ZC3H12B: variants seen among roughly 807,000 people sequenced by gnomAD.
ZC3H12B encodes the protein probable ribonuclease ZC3H12B.
Under a neutral mutation model 43.9 loss-of-function variants are expected in ZC3H12B, and 7 were observed. The ratio of observed to expected loss-of-function variants is 0.16; its 90% CI spans 0.09 to 0.30. The LOEUF is 0.30. Ranked by LOEUF, ZC3H12B falls within the 10% of genes least tolerant of loss-of-function variation. The pLI, the probability that ZC3H12B is intolerant of heterozygous loss-of-function variation, is 1.00. For missense variants in ZC3H12B, 475 were observed against 670.2 expected, an observed-to-expected ratio of 0.71 and a Z score of 3.22; for synonymous variants, 222 against 241.7, an observed-to-expected ratio of 0.92 and a Z score of 0.76.
At chrX:65,256,587 G>C in the ZC3H12B span, among the ~76,000 whole-genome samples, 1 of 111,466 alleles carries the variant, frequency 9.0e-6, no homozygotes, top group Non-Finnish European at 1.9e-5. Context: ...TTAAAATTTA[G>C]AAACATCTTG....
At chrX:65,337,087 G>T in the ZC3H12B span, among the ~76,000 whole-genome samples, 1 of 111,500 alleles carries the variant, frequency 9.0e-6, no homozygotes, top group South Asian at 3.8e-4. Flanking sequence ...ATTAAGAGGG[G>T]TCTTTAACTC....
At chrX:65,435,644 G>GGATAGATAGATAGATAGATA (rs34975614) in intron 3 of ZC3H12B, among the ~76,000 whole-genome samples, 4 of 94,398 alleles carry the variant, frequency 4.2e-5, no homozygotes, top group African/African-American at 7.8e-5. Flanking sequence ...AGAACCAATA[G>GGATAGATAGATAGATAGATA]GATAGATAGA....
At chrX:65,083,136 C>G in the ZC3H12B span, among the ~76,000 whole-genome samples, 1 of 111,214 alleles carries the variant, frequency 9.0e-6, no homozygotes, top group Non-Finnish European at 1.9e-5. Context: ...CCATATATGA[C>G]AGACCCACAG....
At chrX:65,159,267 G>C in the ZC3H12B span, among the ~76,000 whole-genome samples, 2 of 111,624 alleles carry the variant, frequency 1.8e-5, no homozygotes, top group Middle Eastern at 4.6e-3. Context: ...CTCTTCTTTG[G>C]TTCCATATGA....
In ZC3H12B at chrX:65,493,725, CA is replaced by C. The variant is rs775984592; in HGVS notation, c.609-3405del. Among the ~76,000 whole-genome samples, 131 of 111,725 alleles carry C rather than the reference CA, an allele frequency of 1.2e-3. 1 individual carries two copies. The highest frequency in any genetic ancestry group is 9.8e-3 in the South Asian group (26 of 2,640). ...CATGAGAGGTTCCTAAGCAAGTTTA[CA>C]AGACAAAGTGAACTGTAGTGTCACC... On this transcript the variant is annotated intron_variant, in intron 1 of 4. Coordinates refer to ENST00000338957, the Ensembl canonical transcript of ZC3H12B.
chrX:65,174,927 AC>A, the ZC3H12B span, among the ~76,000 whole-genome samples: 1 of 109,018 alleles, frequency 9.2e-6, no homozygotes, highest in Non-Finnish European at 1.9e-5. Context: ...GGAAAAAAAA[AC>A]AAAAAACAAA....
At chrX:65,259,896 A>G in the ZC3H12B span, among the ~76,000 whole-genome samples, 1 of 112,290 alleles carries the variant, frequency 8.9e-6, no homozygotes, top group African/African-American at 3.2e-5. Flanking sequence ...CAGCCATAAA[A>G]GGAAATGAAA....
the ZC3H12B span, among the ~76,000 whole-genome samples, chrX:65,181,965 C>T: frequency 3.6e-5 from 4 of 111,581 alleles, no homozygotes; most frequent in Non-Finnish European, 3.8e-5. Flanking sequence ...ATGTCTATTG[C>T]AGCACTGTGT....
chrX:65,138,677 A>G, the ZC3H12B span, among the ~76,000 whole-genome samples: 1 of 111,848 alleles, frequency 8.9e-6, no homozygotes, highest in African/African-American at 3.3e-5. Flanking sequence ...GTTTTTCATG[A>G]TGGCTGCATT....
chrX:65,157,974 C>A, the ZC3H12B span, among the ~76,000 whole-genome samples: 3 of 93,056 alleles, frequency 3.2e-5, no homozygotes, highest in Non-Finnish European at 6.4e-5. Flanking sequence ...TTCCTGTGGC[C>A]ATGTGTTCTC....
the ZC3H12B span, among the ~76,000 whole-genome samples, chrX:65,119,610 G>A: frequency 9.0e-6 from 1 of 111,690 alleles, no homozygotes; most frequent in Non-Finnish European, 1.9e-5. Context: ...TGCTCACCCT[G>A]ATGATAGTTT....
At chrX:65,108,533 A>C in the ZC3H12B span, among the ~76,000 whole-genome samples, 14 of 110,075 alleles carry the variant, frequency 1.3e-4, no homozygotes, top group African/African-American at 4.6e-4. Flanking sequence ...TGCCACTAGA[A>C]GATCTTCAGG....
intron 3 of ZC3H12B, among the ~76,000 whole-genome samples, chrX:65,431,585 C>T (rs1396315315): frequency 8.9e-6 from 1 of 112,355 alleles, no homozygotes; most frequent in Non-Finnish European, 1.9e-5. Context: ...CAAAATGAGT[C>T]ATTCTATCTA....
At chrX:65,230,211 AATG>A in the ZC3H12B span, among the ~76,000 whole-genome samples, 1 of 111,735 alleles carries the variant, frequency 8.9e-6, no homozygotes. Context: ...AGCCATAAAA[AATG>A]ATGAGTTCAT....
chrX:65,421,999 C>A (rs1276591681), intron 3 of ZC3H12B, among the ~76,000 whole-genome samples: 1 of 110,463 alleles, frequency 9.1e-6, no homozygotes, highest in Non-Finnish European at 1.9e-5. Context: ...ATAAAACTCA[C>A]AGGTTTTACC....
chrX:65,337,805 C>G, the ZC3H12B span, among the ~76,000 whole-genome samples: 1 of 112,365 alleles, frequency 8.9e-6, no homozygotes, highest in Non-Finnish European at 1.9e-5. Flanking sequence ...TAAGTTCCTT[C>G]TGGATACATA....
chrX:65,064,637 G>T, the ZC3H12B span, among the ~76,000 whole-genome samples: 2 of 111,693 alleles, frequency 1.8e-5, no homozygotes, highest in Non-Finnish European at 3.8e-5. Flanking sequence ...GGGGTGGAGA[G>T]TCTGTAGATG....
chrX:65,288,641 C>T, the ZC3H12B span, among the ~76,000 whole-genome samples: 1 of 111,959 alleles, frequency 8.9e-6, no homozygotes, highest in Non-Finnish European at 1.9e-5. Context: ...TAATGTGATA[C>T]TGAGTGGGGA....
chrX:65,407,394 C>T (rs1205568609), intron 3 of ZC3H12B, among the ~76,000 whole-genome samples: 6 of 112,719 alleles, frequency 5.3e-5, no homozygotes, highest in African/African-American at 1.9e-4. Flanking sequence ...CGCCTTCCGG[C>T]GCGCCCTCCG....
Sources: allele counts gnomAD v4.1 joint callset (sites outside exome capture counted in the v4.1 genomes callset), GRCh38; gene constraint gnomAD v4.1.1; transcripts MANE v1.5; gene names NCBI Gene and HGNC (gene_info 2026-07-23, HGNC 2026-07-21).